GCNT1: variants seen among roughly 807,000 people sequenced by gnomAD.
GCNT1 encodes the protein beta-1,3-galactosyl-O-glycosyl-glycoprotein beta-1,6-N-acetylglucosaminyltransferase.
A neutral mutation model predicts 26.2 loss-of-function variants in GCNT1; 16 were observed. The observed-to-expected ratio is 0.61, with a 90% CI of 0.41 to 0.93. GCNT1 has a LOEUF of 0.93. GCNT1 is among the 40% of genes least tolerant of loss of function. The probability of loss-of-function intolerance (pLI) is 0.00; values close to 1 mark genes in which losing one functional copy is unlikely to be tolerated. For missense variants in GCNT1, 477 were observed against 526.7 expected, an observed-to-expected ratio of 0.91 and a Z score of 0.92; for synonymous variants, 183 against 190.8, an observed-to-expected ratio of 0.96 and a Z score of 0.34.
rs1407702694 is a variant in GCNT1 at position 76,459,194 on chromosome 9, G to A, written c.-519G>A. ...CCCGGGGCGGGCCACGCTGGTGTGA[G>A]GGCTGCAGGCGCAGCTCCGGAGCGC... is the stretch of plus-strand genomic sequence containing the variant. On this transcript the variant is annotated 5_prime_UTR_variant, in exon 1 of 4. Coordinates refer to ENST00000376730, the MANE Select transcript of GCNT1 (RefSeq NM_001490.5). 6.6e-6 allele frequency: 1 copy of A among 152,486 alleles called. No homozygotes were observed. The highest frequency in any genetic ancestry group is 2.4e-5 in the African/African-American group (1 of 41,476). 9.4% of individuals were successfully genotyped at this position (152,486 alleles called of 1,614,324 possible). A position where few individuals can be genotyped will look rare whatever the true frequency, so the allele number is the denominator to read the frequency against.
intron 2 of GCNT1, among the ~76,000 whole-genome samples, chr9:76,487,798 G>T (rs974122936): frequency 6.6e-6 from 1 of 152,104 alleles, no homozygotes; most frequent in Non-Finnish European, 1.5e-5. Context: ...GCAGTGGTGC[G>T]ATCATGGCTT....
upstream of GCNT1, among the ~76,000 whole-genome samples, chr9:76,417,606 C>T (rs1823143963): frequency 6.6e-6 from 1 of 152,188 alleles, no homozygotes; most frequent in African/African-American, 2.4e-5. Flanking sequence ...GCTGAATTCA[C>T]ACTTCAGTAT....
intron 1 of GCNT1, among the ~76,000 whole-genome samples, chr9:76,421,339 C>T (rs568722058): frequency 6.6e-6 from 1 of 152,192 alleles, no homozygotes; most frequent in South Asian, 2.1e-4. Flanking sequence ...GTGGCTCACA[C>T]CTGTAATCCT....
chr9:76,487,421 A>C (rs1824609285), intron 2 of GCNT1, among the ~76,000 whole-genome samples: 1 of 152,230 alleles, frequency 6.6e-6, no homozygotes, highest in South Asian at 2.1e-4. Flanking sequence ...ACTAGAAGCC[A>C]ACTGAACTTA....
intron 1 of GCNT1, among the ~76,000 whole-genome samples, chr9:76,426,127 G>A (rs994515376): frequency 6.6e-6 from 1 of 152,154 alleles, no homozygotes; most frequent in African/African-American, 2.4e-5. Context: ...TTTGTTTTGG[G>A]AAAGGGCTGT....
intron 2 of GCNT1, among the ~76,000 whole-genome samples, chr9:76,475,688 TGA>T (rs1343940724): frequency 6.6e-6 from 1 of 152,148 alleles, no homozygotes; most frequent in Non-Finnish European, 1.5e-5. Context: ...AGTGCTGAAG[TGA>T]GAGACGACGA....
At chr9:76,399,247 G>A in the GCNT1 span, 5 of 1,474,310 alleles carry the variant, frequency 3.4e-6, no homozygotes, top group Non-Finnish European at 4.7e-6. Context: ...GGGAAGTTCT[G>A]CGCATGTGTA....
chr9:76,446,961 C>T (rs756037704), intron 1 of GCNT1, among the ~76,000 whole-genome samples: 5 of 151,764 alleles, frequency 3.3e-5, no homozygotes, highest in Non-Finnish European at 7.4e-5. Flanking sequence ...TTGAGGCCAA[C>T]GTGGCCAACA....
upstream of GCNT1, among the ~76,000 whole-genome samples, chr9:76,415,033 T>C (rs1177410491): frequency 6.6e-6 from 1 of 152,198 alleles, no homozygotes; most frequent in Non-Finnish European, 1.5e-5. Flanking sequence ...AGGCATTTAG[T>C]AAGCCTTTAT....
chr9:76,501,287 G>T lies in GCNT1; in HGVS notation c.-144+226G>T, dbSNP rs527639180. 7.2e-5 allele frequency among the ~76,000 whole-genome samples: 11 copies of T among 152,218 alleles called. No individual in the cohort carries two copies. In the South Asian group the frequency reaches 2.3e-3, roughly 32 times the overall value. ...TTTTTTAGAACAGCAGCGCTTATCA[G>T]CTGTAGAACCAATTGCCAAGTTATA... On this transcript the variant is annotated intron_variant, in intron 3 of 3. Transcript: ENST00000376730.
rs1224606162 is a variant in GCNT1, at chr9:76,502,245, T to C, written c.-137T>C. On this transcript the variant is annotated 5_prime_UTR_variant, in exon 4 of 4. Coordinates refer to ENST00000376730, the MANE Select transcript of GCNT1 (RefSeq NM_001490.5). The stretch of plus-strand genomic sequence containing the variant: ...ATTGCTTCTTTTATTTCAGTGCTGC[T>C]CTTCATTTCAAGATGCCGTTGCAGC... 2.1e-6 allele frequency: 1 copy of C among 467,252 alleles called. No homozygotes were observed. Among genetic ancestry groups the C allele is most frequent in the Non-Finnish European group, 3.8e-6 (1 of 260,460 alleles). 28.9% of individuals were successfully genotyped at this position (467,252 alleles called of 1,614,324 possible).
At chr9:76,440,920 TG>T (rs1356304623), upstream of GCNT1, among the ~76,000 whole-genome samples, 3 of 151,530 alleles carry the variant, frequency 2.0e-5, no homozygotes, top group African/African-American at 7.3e-5. Context: ...AAAAATTAGC[TG>T]GGCATGGTGG....
the GCNT1 span, among the ~76,000 whole-genome samples, chr9:76,397,811 C>A: frequency 3.3e-4 from 50 of 152,272 alleles, no homozygotes; most frequent in Non-Finnish European, 5.0e-4. Context: ...CTAAGAACTC[C>A]CATCAAGTAC....
chr9:76,492,700 G>C (rs571022168), intron 2 of GCNT1, among the ~76,000 whole-genome samples: 1 of 151,304 alleles, frequency 6.6e-6, no homozygotes, highest in Admixed American at 6.6e-5. Context: ...CTTGTTTCTC[G>C]TTGGACAATC....
rs898010042 is a variant in GCNT1 at position 76,499,046 on chromosome 9, G to T, written c.-289-1870G>T. 1.1e-4 allele frequency among the ~76,000 whole-genome samples: 6 copies of T among 55,990 alleles called. No homozygotes were observed. The East Asian group carries it at 4.1e-3, about 39-fold the overall frequency. The allele number at this position is 55,990 out of a possible 152,430, so 36.7% of individuals were successfully genotyped here. A position where few individuals can be genotyped will look rare whatever the true frequency, so the allele number is the denominator to read the frequency against. ...TTTCTTGTAGGGTAAGGCTGCTAGT[G>T]ATAATTTTTTTTTTAATTTATCTGG... On this transcript the variant is annotated intron_variant, in intron 2 of 3. Coordinates refer to ENST00000376730, the MANE Select transcript of GCNT1 (RefSeq NM_001490.5).
At chr9:76,452,271 T>C (rs1823680032) in intron 1 of GCNT1, among the ~76,000 whole-genome samples, 1 of 152,162 alleles carries the variant, frequency 6.6e-6, no homozygotes, top group African/African-American at 2.4e-5. Context: ...ACCTGGCCTG[T>C]ACAACTTTTC....
At chr9:76,421,056 T>A (rs1206973282) in intron 1 of GCNT1, among the ~76,000 whole-genome samples, 1 of 152,134 alleles carries the variant, frequency 6.6e-6, no homozygotes, top group Non-Finnish European at 1.5e-5. Flanking sequence ...TGTTTGATAT[T>A]TTTTCCTCAT....
intron 1 of GCNT1, among the ~76,000 whole-genome samples, chr9:76,447,488 G>A (rs1294164759): frequency 1.3e-5 from 2 of 151,984 alleles, no homozygotes; most frequent in African/African-American, 2.4e-5. Context: ...TAAGCGATCG[G>A]GCTGCCTCAG....
chr9:76,428,265 C>CAAA lies in GCNT1; in HGVS notation n.38+8400_38+8402dup, dbSNP rs869195487. Among the ~76,000 whole-genome samples, 77 of 29,684 alleles carry CAAA rather than the reference C, an allele frequency of 2.6e-3. 2 individuals carry two copies. The highest frequency in any genetic ancestry group is 5.9e-3 in the African/African-American group (58 of 9,846). 19.5% of individuals were successfully genotyped at this position (29,684 alleles called of 152,430 possible). ...TGGGTAAAAGAGCAAGACTCCGTCT[C>CAAA]AAAAAAAAAAAAAAAAAAAAAAAAC... On this transcript the variant is annotated intron_variant and non_coding_transcript_variant, in intron 1 of 3. Transcript: ENST00000488136.
Sources: gnomAD v4.1 joint callset for allele counts (sites outside exome capture counted in the v4.1 genomes callset) on GRCh38, gnomAD v4.1.1 for gene constraint, MANE v1.5 for transcripts, NCBI Gene and HGNC (gene_info 2026-07-23, HGNC 2026-07-21) for gene names.